Variants in SH2D2A observed in about 807,000 individuals in gnomAD.
SH2D2A encodes SH2 domain-containing protein 2A.
SH2D2A carries 33 observed loss-of-function variants against 43.6 expected under a neutral mutation model. The observed-to-expected ratio is 0.76, with a 90% CI of 0.57 to 1.01. The LOEUF (loss-of-function observed/expected upper bound fraction) is 1.01, where lower values mean the gene tolerates loss of function less well. Ranked by LOEUF, SH2D2A falls within the 50% of genes least tolerant of loss-of-function variation. The probability of loss-of-function intolerance (pLI) is 0.00; values close to 1 mark genes in which losing one functional copy is unlikely to be tolerated. For missense variants in SH2D2A, 491 were observed against 503.1 expected, an observed-to-expected ratio of 0.98 and a Z score of 0.23; for synonymous variants, 212 against 206.1, an observed-to-expected ratio of 1.03 and a Z score of -0.25.
Position 156,812,245 on chromosome 1 carries a change from G to A in SH2D2A, c.567+1603C>T, listed in dbSNP as rs567842972. ...TTTCATGTGAAATATTGCTCCTCCC[G>A]AAACTTGCCAGGCCATGTCACCCCT... On this transcript the variant is annotated intron_variant, in intron 5 of 8. Coordinates refer to ENST00000368199, the MANE Select transcript of SH2D2A (RefSeq NM_003975.4). Among the ~76,000 whole-genome samples, 16 of 152,080 alleles carry A rather than the reference G, an allele frequency of 1.1e-4. No homozygotes were observed. The South Asian group carries it at 3.1e-3, about 30-fold the overall frequency.
Position 156,815,171 on chromosome 1 carries a change from C to A in SH2D2A, c.174G>T (p.Arg58Ser), listed in dbSNP as rs759083921. ...TTCCTTCTCCAGGCACCTCCTCTGCCCTCTCAGCATTCCCTGTGTTGGAGG... is the reference window on the plus strand; with the variant it reads ...TTCCTTCTCCAGGCACCTCCTCTGCACTCTCAGCATTCCCTGTGTTGGAGG... The part of the protein sequence containing the change: ...EAASNTGNAE[R>S]AEEVPGEGSL... Residue 58 changes from arginine (R) to serine (S), a missense_variant, in exon 3 of 9, where the codon AGG (arginine) becomes AGT (serine). By Grantham distance (110) the Arg-to-Ser change is moderately radical. Coordinates refer to ENST00000368199, the MANE Select transcript of SH2D2A (RefSeq NM_003975.4). 11 of 1,601,286 alleles carry A rather than the reference C, an allele frequency of 6.9e-6. No individual in the cohort carries two copies. The highest frequency in any genetic ancestry group is 9.4e-6 in the Non-Finnish European group (11 of 1,173,980).
intron 5 of SH2D2A, among the ~76,000 whole-genome samples, chr1:156,812,024 C>G (rs994350499): frequency 2.6e-5 from 4 of 152,160 alleles, no homozygotes; most frequent in African/African-American, 9.7e-5. Flanking sequence ...GAAAACAGAA[C>G]TCCTGATCAC....
At chr1:156,813,729 G>T in intron 5 of SH2D2A, 119 bp downstream of exon 5, 1 of 973,758 alleles carries the variant, frequency 1.0e-6, no homozygotes, top group Non-Finnish European at 1.4e-6. Context: ...AGGGAGGCAT[G>T]CCCGAGTGGT....
rs369570223 is a variant in SH2D2A at position 156,814,532 on chromosome 1, T to C, written c.309-238A>G. 7.0e-5 allele frequency: 46 copies of C among 653,716 alleles called. No individual in the cohort carries two copies. The African/African-American group carries it at 8.0e-4, about 11-fold the overall frequency. 40.5% of individuals were successfully genotyped at this position (653,716 alleles called of 1,614,324 possible). A position where few individuals can be genotyped will look rare whatever the true frequency, so the allele number is the denominator to read the frequency against. On this transcript the variant is annotated intron_variant, in intron 3 of 8. Transcript: ENST00000368199. Reference sequence around the variant, plus strand: ...GAGACCCCCGCATCCTCCCCTGGCCTCATCCTGAAAGGGCAGCCTGCAGGG... The same window carrying C: ...GAGACCCCCGCATCCTCCCCTGGCCCCATCCTGAAAGGGCAGCCTGCAGGG...
chr1:156,813,863 C>T lies in SH2D2A; in HGVS notation c.552G>A (p.Glu184=), dbSNP rs1183044532. The change falls in exon 5 of 9, where the codon GAG becomes GAA. Residue 184 remains glutamate (E), a synonymous_variant. Coordinates refer to ENST00000368199, the MANE Select transcript of SH2D2A (RefSeq NM_003975.4). ...GGGCGCGTACCTGTCGGGCGAGGGG[C>T]TCGGTGAGCGTCTCCCCGTAGGGGC... is the stretch of plus-strand genomic sequence containing the variant. ...PLSPYGETLT[E]PLARQTPEPA... 7 of 1,501,782 alleles carry T rather than the reference C, an allele frequency of 4.7e-6. No individual in the cohort carries two copies. The East Asian group carries it at 1.7e-4, about 36-fold the overall frequency. 93.0% of individuals were successfully genotyped at this position (1,501,782 alleles called of 1,614,324 possible).
chr1:156,815,258 A>C, intron 2 of SH2D2A, 37 bp from the exon 3 acceptor site: 1 of 1,416,022 alleles, frequency 7.1e-7, no homozygotes. Flanking sequence ...GGGAAGCAGC[A>C]TGATGAGTGG....
chr1:156,815,327 G>A, intron 2 of SH2D2A, 106 bp from the exon 3 acceptor site: 9 of 863,860 alleles, frequency 1.0e-5, no homozygotes, highest in Non-Finnish European at 1.5e-5. Context: ...AGCCTCTCCT[G>A]TCTATTTTAG....
chr1:156,811,747 C>T (rs950348611), intron 5 of SH2D2A, among the ~76,000 whole-genome samples: 8 of 152,184 alleles, frequency 5.3e-5, no homozygotes, highest in African/African-American at 1.9e-4. Context: ...ACTCTTCTGG[C>T]TTTTCTCCTC....
Position 156,809,352 on chromosome 1 carries a change from C to G in SH2D2A, c.853G>C (p.Glu285Gln), listed in dbSNP as rs1273443501. Residue 285 changes from glutamate to glutamine, a missense_variant, in exon 7 of 9, where the codon GAA (glutamate) becomes CAA (glutamine). Transcript: ENST00000368199. This position sits in a 1 kb window ranked among gnomAD's most constrained non-coding sequence, Gnocchi z 4.8. Reference sequence around the variant, plus strand: ...CCCATGGCATAGAAAGCTATGGGTTCATCAGGCTCATTGTAGATAGGATTG... The same window carrying G: ...CCCATGGCATAGAAAGCTATGGGTTGATCAGGCTCATTGTAGATAGGATTG... ...PSNPIYNEPD[E>Q]PIAFYAMGRG... The G allele has an allele frequency of 6.2e-7, 1 of 1,614,130 alleles. No homozygotes were observed. The highest frequency in any genetic ancestry group is 1.7e-5 in the Admixed American group (1 of 60,014).
Position 156,807,348 on chromosome 1 carries a change from G to A in SH2D2A, c.1003-3C>T, listed in dbSNP as rs1172720507. On this transcript the variant is annotated splice_region_variant and splice_polypyrimidine_tract_variant and intron_variant, in intron 7 of 8. Coordinates refer to ENST00000368199, the MANE Select transcript of SH2D2A (RefSeq NM_003975.4). This position sits in a 1 kb window ranked among gnomAD's most constrained non-coding sequence, Gnocchi z 5.1. ...TGCAGCTGGGAGCCACCTGTATTCT[G>A]CAGAGAGAAGGACAGTTCTAGGTCA... The A allele has an allele frequency of 6.5e-7, 1 of 1,535,212 alleles. No individual in the cohort carries two copies. The highest frequency in any genetic ancestry group is 1.4e-5 in the African/African-American group (1 of 73,910).
intron 5 of SH2D2A, 152 bp downstream of exon 5, chr1:156,813,696 A>G: frequency 2.9e-6 from 2 of 693,908 alleles, no homozygotes; most frequent in Non-Finnish European, 4.2e-6. Context: ...CCACCCTCCC[A>G]TGAAGATGAA....
chr1:156,810,554 T>A (rs2768765), intron 5 of SH2D2A, among the ~76,000 whole-genome samples: 33,375 of 151,292 alleles, frequency 0.22, 4,013 homozygotes, highest in Non-Finnish European at 0.28. Flanking sequence ...CAAGTCTCAT[T>A]CTGTCATCCA....
intron 2 of SH2D2A, 106 bp from the exon 3 acceptor site, chr1:156,815,327 G>C (rs932130152): frequency 3.6e-5 from 31 of 863,740 alleles, no homozygotes; most frequent in Non-Finnish European, 4.5e-5. Flanking sequence ...AGCCTCTCCT[G>C]TCTATTTTAG....
chr1:156,811,584 C>A (rs1653424315), intron 5 of SH2D2A, among the ~76,000 whole-genome samples: 1 of 152,188 alleles, frequency 6.6e-6, no homozygotes, highest in South Asian at 2.1e-4. Context: ...CAGGCACTGT[C>A]CCCACTTGTT....
At position 156,815,979 on chromosome 1, in the gene SH2D2A, A is replaced by G. The variant is rs7546838; in HGVS notation, c.123+27T>C. The G allele has an allele frequency of 0.64, 1,033,651 of 1,608,350 alleles. 335,119 individuals carry two copies. Among genetic ancestry groups the G allele is most frequent in the East Asian group, 0.82 (36,542 of 44,738 alleles). ...GTGGGAGAGATGAGGGAGCTGCACCACGCTGCCGCCCCAGGTTTCCACTCA... is the reference window on the plus strand; with the variant it reads ...GTGGGAGAGATGAGGGAGCTGCACCGCGCTGCCGCCCCAGGTTTCCACTCA... On this transcript the variant is annotated intron_variant, in intron 2 of 8. Transcript: ENST00000368199.
rs1385189512 is a variant in SH2D2A, at chr1:156,809,689, A to G, written c.686T>C (p.Met229Thr). The G allele has an allele frequency of 1.2e-6, 2 of 1,612,044 alleles. No individual in the cohort carries two copies. Among genetic ancestry groups the G allele is most frequent in the African/African-American group, 1.3e-5 (1 of 74,692 alleles). The change falls in exon 6 of 9, where the codon ATG becomes ACG. Residue 229 changes from methionine to threonine, a missense_variant. Met to Thr is a moderately conservative substitution (Grantham distance 81, BLOSUM62 -1). Transcript: ENST00000368199. The surrounding 1 kb of genome is among the most constrained non-coding windows in gnomAD (Gnocchi z 4.8). ...CTTCTCCCCGGCCCCCTCTTTCTGC[A>G]TCGGGACTGGGGCTTGCCCCTGTTT... is the stretch of plus-strand genomic sequence containing the variant. The part of the protein sequence containing the change: ...IIKQGQAPVP[M>T]QKEGAGEKEP...
chr1:156,815,838 G>A (rs1653855256), intron 2 of SH2D2A, 168 bp downstream of exon 2: 1 of 1,613,742 alleles, frequency 6.2e-7, no homozygotes, highest in East Asian at 2.2e-5. Flanking sequence ...GCATGAAGGA[G>A]GTACTCCTCA....
chr1:156,815,000 G>A (rs767547182), intron 3 of SH2D2A, 37 bp downstream of exon 3: 1 of 1,436,402 alleles, frequency 7.0e-7, no homozygotes, highest in Non-Finnish European at 9.2e-7. Context: ...GACTTGCCCT[G>A]CCCCTGTCTG....
Position 156,815,191 on chromosome 1 carries a change from T to G in SH2D2A, c.154A>C (p.Asn52His). 6.3e-7 allele frequency: 1 copy of G among 1,577,784 alleles called. No individual in the cohort carries two copies. The highest frequency in any genetic ancestry group is 8.6e-7 in the Non-Finnish European group (1 of 1,160,736). Residue 52 changes from asparagine to histidine, a missense_variant, in exon 3 of 9, where the codon AAC becomes CAC. Coordinates refer to ENST00000368199, the MANE Select transcript of SH2D2A (RefSeq NM_003975.4). ...ASPQAPEAAS[N>H]TGNAERAEEV... Reference sequence around the variant, plus strand: ...TCTGCCCTCTCAGCATTCCCTGTGTTGGAGGCAGCCTCCGGGGCCTGGGGA... The same window carrying G: ...TCTGCCCTCTCAGCATTCCCTGTGTGGGAGGCAGCCTCCGGGGCCTGGGGA...
Sources: gnomAD v4.1 joint callset for allele counts (sites outside exome capture counted in the v4.1 genomes callset) on GRCh38, gnomAD v4.1.1 for gene constraint, Gnocchi (gnomAD v3.1) non-coding constraint, MANE v1.5 for transcripts, NCBI Gene and HGNC (gene_info 2026-07-23, HGNC 2026-07-21) for gene names.